Variants in NEO1 observed in about 807,000 individuals in gnomAD.
NEO1 encodes neogenin.
Under a neutral mutation model 159.7 loss-of-function variants are expected in NEO1, and 63 were observed. The observed-to-expected ratio is 0.39, with a 90% CI of 0.32 to 0.49. NEO1 has a LOEUF of 0.49. Among genes scored for constraint, NEO1 ranks in the 20% least tolerant of loss-of-function variants. NEO1 has a pLI of 0.85. For synonymous variants in NEO1, 633 were observed against 662.0 expected (o/e 0.96, Z 0.67); for missense variants, 1,615 against 1,831.0 (o/e 0.88, Z 2.15).
chr15:73,057,604 G>A lies in NEO1; in HGVS notation c.130+4799G>A, dbSNP rs1306864203. Among the ~76,000 whole-genome samples the A allele has an allele frequency of 2.0e-5, 3 of 152,108 alleles. No individual in the cohort carries two copies. The East Asian group carries it at 5.8e-4, about 29-fold the overall frequency. Reference sequence around the variant, plus strand: ...GTCATGGACATAGCTAGTGAAAGATGATTTTAAAATAGAGCTCAAATTTTG... The same window carrying A: ...GTCATGGACATAGCTAGTGAAAGATAATTTTAAAATAGAGCTCAAATTTTG... On this transcript the variant is annotated intron_variant, in intron 1 of 28. Transcript: ENST00000261908.
chr15:73,240,450 C>A (rs1342273432), intron 8 of NEO1, among the ~76,000 whole-genome samples: 1 of 152,200 alleles, frequency 6.6e-6, no homozygotes, highest in Non-Finnish European at 1.5e-5. Flanking sequence ...GGCAAGAAAG[C>A]TGGCCAAACT....
rs2040482694 is a variant in NEO1, at chr15:73,258,794, C to T, written c.2121C>T (p.Phe707=). ...TTGATCGGGGGACTGAGTATAATTT[C>T]CGAGTGGCTGCTCTAACAATCAATG... is the stretch of plus-strand genomic sequence containing the variant. ...EGLDRGTEYN[F]RVAALTINGT... is the part of the protein sequence containing the mutation. Residue 707 remains phenylalanine, a synonymous_variant, in exon 14 of 29, where the codon TTC becomes TTT. Transcript: ENST00000261908. The T allele has an allele frequency of 6.2e-7, 1 of 1,613,988 alleles. No homozygotes were observed.
chr15:73,249,720 T>G lies in NEO1; in HGVS notation c.1893T>G (p.Asp631Glu), dbSNP rs1287811518. ...TPDVAVRTLS[D>E]VPSAAPQNLS... ...ATGTTGCTGTTCGAACATTGTCAGA[T>G]GGTGAGTCTTTCTTCCTCTGGAACG... The change falls in exon 11 of 29, where the codon GAT becomes GAG. Residue 631 changes from aspartate (D) to glutamate (E), a missense_variant and splice_region_variant. Physicochemically the swap from Asp to Glu is conservative, Grantham distance 45. Coordinates refer to ENST00000261908, the MANE Select transcript of NEO1 (RefSeq NM_002499.4). The G allele has an allele frequency of 3.1e-6, 5 of 1,608,206 alleles. No homozygotes were observed. Among genetic ancestry groups the G allele is most frequent in the Non-Finnish European group, 2.5e-6 (3 of 1,178,188 alleles).
intron 1 of NEO1, among the ~76,000 whole-genome samples, chr15:73,078,535 C>G (rs977111274): frequency 6.6e-6 from 1 of 152,182 alleles, no homozygotes; most frequent in African/African-American, 2.4e-5. Flanking sequence ...GCAGTGTTTC[C>G]TACCGTCCTG....
intron 2 of NEO1, among the ~76,000 whole-genome samples, chr15:73,117,776 G>T (rs1488397905): frequency 6.6e-6 from 1 of 152,092 alleles, no homozygotes; most frequent in Non-Finnish European, 1.5e-5. Context: ...CAAAGTTTCT[G>T]TAATTATTCC....
intron 4 of NEO1, among the ~76,000 whole-genome samples, chr15:73,132,016 C>A (rs1024442449): frequency 3.9e-5 from 6 of 152,182 alleles, no homozygotes; most frequent in African/African-American, 1.4e-4. Context: ...GAAAATCTCT[C>A]CTCATCCCTA....
At chr15:73,095,049 A>C (rs1280890451) in intron 1 of NEO1, among the ~76,000 whole-genome samples, 1 of 152,104 alleles carries the variant, frequency 6.6e-6, no homozygotes, top group East Asian at 1.9e-4. Flanking sequence ...TCTCTACTGA[A>C]AATACAGAAA....
intron 14 of NEO1, among the ~76,000 whole-genome samples, chr15:73,259,761 T>C (rs1170543615): frequency 6.6e-6 from 1 of 152,214 alleles, no homozygotes; most frequent in African/African-American, 2.4e-5. Flanking sequence ...CTCTCACCAA[T>C]TGAATCAACT....
At chr15:73,117,583 G>C (rs1010619680) in intron 2 of NEO1, among the ~76,000 whole-genome samples, 1 of 152,280 alleles carries the variant, frequency 6.6e-6, no homozygotes, top group East Asian at 1.9e-4. Flanking sequence ...CTCTCACCTT[G>C]GTGAAACGCC....
chr15:73,187,679 A>G (rs1439168187), intron 7 of NEO1, among the ~76,000 whole-genome samples: 1 of 152,194 alleles, frequency 6.6e-6, no homozygotes, highest in Non-Finnish European at 1.5e-5. Context: ...GTGTTCCTGT[A>G]AAACTTTATA....
At chr15:73,257,265 T>TA (rs10670933) in intron 13 of NEO1, among the ~76,000 whole-genome samples, 46,521 of 143,020 alleles carry the variant, frequency 0.33, 7,851 homozygotes, top group East Asian at 0.61. Flanking sequence ...TTGTTGCTGT[T>TA]AAAAAAAAAA....
At chr15:73,213,438 C>T (rs1422102512) in intron 7 of NEO1, among the ~76,000 whole-genome samples, 1 of 152,146 alleles carries the variant, frequency 6.6e-6, no homozygotes, top group East Asian at 1.9e-4. Context: ...CCATTCTCCC[C>T]AAGTCCCCAA....
chr15:73,216,896 G>A (rs1459021944), intron 7 of NEO1, among the ~76,000 whole-genome samples: 1 of 152,032 alleles, frequency 6.6e-6, no homozygotes, highest in African/African-American at 2.4e-5. Context: ...TCACTCTGAT[G>A]GTAGTTTCTT....
At chr15:73,097,441 A>C (rs1379505888) in intron 1 of NEO1, among the ~76,000 whole-genome samples, 1 of 146,368 alleles carries the variant, frequency 6.8e-6, no homozygotes, top group East Asian at 2.0e-4. Flanking sequence ...GCTCACTGCA[A>C]CCTCTGCCTC....
At chr15:73,055,459 A>G (rs1019066023) in intron 1 of NEO1, among the ~76,000 whole-genome samples, 5 of 152,006 alleles carry the variant, frequency 3.3e-5, no homozygotes, top group Admixed American at 1.3e-4. Context: ...CTCTATCTTC[A>G]GGTTAATCTC....
chr15:73,140,400 G>GA (rs2032267150), intron 5 of NEO1, among the ~76,000 whole-genome samples: 1 of 152,042 alleles, frequency 6.6e-6, no homozygotes, highest in East Asian at 1.9e-4. Context: ...TACAAAAAAT[G>GA]AAAAAATTAG....
At chr15:73,189,092 A>G (rs2036096594) in intron 7 of NEO1, among the ~76,000 whole-genome samples, 1 of 152,182 alleles carries the variant, frequency 6.6e-6, no homozygotes, top group Non-Finnish European at 1.5e-5. Flanking sequence ...GAGCAAGACC[A>G]CCACCCTACC....
chr15:73,082,668 C>G (rs1231345363), intron 1 of NEO1, among the ~76,000 whole-genome samples: 4 of 152,026 alleles, frequency 2.6e-5, no homozygotes, highest in Non-Finnish European at 5.9e-5. Flanking sequence ...AATAGACTAA[C>G]AGTTTTATCA....
intron 7 of NEO1, among the ~76,000 whole-genome samples, chr15:73,188,334 A>C (rs1280565531): frequency 6.6e-6 from 1 of 152,196 alleles, no homozygotes; most frequent in Non-Finnish European, 1.5e-5. Context: ...AAATGTGTAT[A>C]TACACTTTTT....
Sources: gnomAD v4.1 joint callset for allele counts (sites outside exome capture counted in the v4.1 genomes callset) on GRCh38, gnomAD v4.1.1 for gene constraint, MANE v1.5 for transcripts, NCBI Gene and HGNC (gene_info 2026-07-23, HGNC 2026-07-21) for gene names.